Variants in FAM220A observed in about 807,000 individuals in gnomAD.
FAM220A encodes the protein family with sequence similarity 220 member A, also known as protein FAM220A.
For synonymous variants in FAM220A, 141 were observed against 130.7 expected (o/e 1.08, Z -0.54); for missense variants, 392 against 321.6 (o/e 1.22, Z -1.68).
chr7:6,333,898 G>A (rs367703279), intron 1 of FAM220A, among the ~76,000 whole-genome samples: 1 of 141,398 alleles, frequency 7.1e-6, no homozygotes, highest in East Asian at 2.1e-4. Flanking sequence ...CCAGGCTGGA[G>A]TGCAGTGGCG....
intron 1 of FAM220A, among the ~76,000 whole-genome samples, chr7:6,346,529 G>C (rs1281076426): frequency 6.6e-6 from 1 of 151,918 alleles, no homozygotes; most frequent in Non-Finnish European, 1.5e-5. Context: ...ACCACTGCCC[G>C]GCCACCACGC....
intron 1 of FAM220A, among the ~76,000 whole-genome samples, chr7:6,334,227 T>C (rs1004174867): frequency 6.6e-6 from 1 of 151,346 alleles, no homozygotes; most frequent in Non-Finnish European, 1.5e-5. Flanking sequence ...TGTACCCAGC[T>C]AAAGTATTTT....
chr7:6,340,145 A>C (rs1197958067), intron 1 of FAM220A, among the ~76,000 whole-genome samples: 2 of 152,174 alleles, frequency 1.3e-5, no homozygotes, highest in East Asian at 3.9e-4. Context: ...TCGGCCTCCC[A>C]AAGTGCTGGG....
intron 1 of FAM220A, among the ~76,000 whole-genome samples, chr7:6,342,539 A>C (rs1267562401): frequency 7.1e-6 from 1 of 141,566 alleles, no homozygotes; most frequent in African/African-American, 3.0e-5. Context: ...ACTCTGTCTC[A>C]AAAAAAAAAG....
chr7:6,340,878 G>A (rs1468824729), intron 1 of FAM220A, among the ~76,000 whole-genome samples: 13 of 123,400 alleles, frequency 1.1e-4, no homozygotes, highest in Non-Finnish European at 1.7e-4. Flanking sequence ...CAGCCTGGGC[G>A]ACAGAGTGAG....
rs1771174964 is a variant in FAM220A at position 6,330,004 on chromosome 7, A to C, written c.*371T>G. The C allele has an allele frequency of 8.4e-6, 2 of 237,332 alleles. No homozygotes were observed. The highest frequency in any genetic ancestry group is 1.5e-4 in the South Asian group (2 of 13,062). 14.7% of individuals were successfully genotyped at this position (237,332 alleles called of 1,614,324 possible). On this transcript the variant is annotated 3_prime_UTR_variant, in exon 2 of 2. Transcript: ENST00000313324. ...GTAGACTTTACAAGTATCCACTTCC[A>C]TTGGGTGATCAGACAAGTCAAAAGG... is the stretch of plus-strand genomic sequence containing the variant.
intron 1 of FAM220A, among the ~76,000 whole-genome samples, chr7:6,338,975 G>A (rs923704053): frequency 2.6e-5 from 4 of 152,260 alleles, no homozygotes; most frequent in East Asian, 1.9e-4. Context: ...AGGTGTGAAC[G>A]CTAGCACACC....
At chr7:6,335,773 C>A (rs1781731311) in intron 1 of FAM220A, among the ~76,000 whole-genome samples, 1 of 152,066 alleles carries the variant, frequency 6.6e-6, no homozygotes, top group South Asian at 2.1e-4. Context: ...AGTGGCTCAG[C>A]CCTGTCATCC....
chr7:6,333,188 A>C (rs1781673730), intron 1 of FAM220A, among the ~76,000 whole-genome samples: 1 of 151,782 alleles, frequency 6.6e-6, no homozygotes, highest in Admixed American at 6.6e-5. Flanking sequence ...AAAACAAAAA[A>C]CAAAAAAACA....
chr7:6,332,676 G>A (rs1781660702), intron 1 of FAM220A, among the ~76,000 whole-genome samples: 1 of 152,068 alleles, frequency 6.6e-6, no homozygotes, highest in Non-Finnish European at 1.5e-5. Context: ...CTCTGACCTG[G>A]GCAATGGAGT....
intron 1 of FAM220A, among the ~76,000 whole-genome samples, chr7:6,346,839 G>A (rs1372432294): frequency 6.6e-6 from 1 of 152,178 alleles, no homozygotes. Flanking sequence ...CTGCAGTGTG[G>A]TGGTTCTACT....
chr7:6,330,764 G>C lies in FAM220A; in HGVS notation c.391C>G (p.Leu131Val). 6.2e-7 allele frequency: 1 copy of C among 1,614,110 alleles called. No individual in the cohort carries two copies. The highest frequency in any genetic ancestry group is 1.1e-5 in the South Asian group (1 of 91,080). Residue 131 changes from leucine to valine, a missense_variant, in exon 2 of 2, where the codon CTG (leucine) becomes GTG (valine). By Grantham distance (32) the Leu-to-Val change is conservative (BLOSUM62 1). Transcript: ENST00000313324. ...GVEALGRRDW[L>V]GGGPRATDGH... The stretch of plus-strand genomic sequence containing the variant: ...TCAGTGGCCCTGGGCCCTCCTCCCA[G>C]CCAGTCTCGCCGCCCCAGAGCTTCA...
chr7:6,336,936 G>T (rs988460063), intron 1 of FAM220A, among the ~76,000 whole-genome samples: 2 of 152,102 alleles, frequency 1.3e-5, no homozygotes, highest in African/African-American at 4.8e-5. Flanking sequence ...TTACAGGCGT[G>T]AGCCACCATG....
chr7:6,329,982 G>C lies in FAM220A; in HGVS notation c.*393C>G, dbSNP rs139601542. ...ATTTAACGCCAAGTACAGTGGTGTAGACTTTACAAGTATCCACTTCCATTG... is the reference window on the plus strand; with the variant it reads ...ATTTAACGCCAAGTACAGTGGTGTACACTTTACAAGTATCCACTTCCATTG... On this transcript the variant is annotated 3_prime_UTR_variant, in exon 2 of 2. Transcript: ENST00000313324. The C allele has an allele frequency of 4.7e-6, 1 of 214,070 alleles. No individual in the cohort carries two copies. The highest frequency in any genetic ancestry group is 1.5e-4 in the East Asian group (1 of 6,848). 13.3% of individuals were successfully genotyped at this position (214,070 alleles called of 1,614,324 possible). A position where few individuals can be genotyped will look rare whatever the true frequency, so the allele number is the denominator to read the frequency against.
chr7:6,341,551 G>A (rs1294181502), intron 1 of FAM220A, among the ~76,000 whole-genome samples: 1 of 149,788 alleles, frequency 6.7e-6, no homozygotes, highest in Non-Finnish European at 1.5e-5. Flanking sequence ...TTAGCCAGGT[G>A]TAGTGGTGGG....
At chr7:6,337,545 A>G (rs1040323404) in intron 1 of FAM220A, among the ~76,000 whole-genome samples, 2 of 151,776 alleles carry the variant, frequency 1.3e-5, no homozygotes, top group Non-Finnish European at 2.9e-5. Context: ...AAGGTGAAAC[A>G]TTTCTAGAAT....
At position 6,330,150 on chromosome 7, in the gene FAM220A, C is replaced by T; in HGVS notation, c.*225G>A. The T allele has an allele frequency of 3.6e-6, 2 of 548,560 alleles. No homozygotes were observed. The highest frequency in any genetic ancestry group is 2.4e-5 in the South Asian group (1 of 41,802). The allele number at this position is 548,560 out of a possible 1,614,324, so 34.0% of individuals were successfully genotyped here. A position where few individuals can be genotyped will look rare whatever the true frequency, so the allele number is the denominator to read the frequency against. ...TATGATCGTCTCCTGAAATGTTTCC[C>T]AATTCTTTATATGTCTTTTAAAGCA... is the stretch of plus-strand genomic sequence containing the variant. On this transcript the variant is annotated 3_prime_UTR_variant, in exon 2 of 2. Coordinates refer to ENST00000313324, the MANE Select transcript of FAM220A (RefSeq NM_001037163.2).
At position 6,330,010 on chromosome 7, in the gene FAM220A, T is replaced by G. The variant is rs1300849873; in HGVS notation, c.*365A>C. ...TTTACAAGTATCCACTTCCATTGGG[T>G]GATCAGACAAGTCAAAAGGACACAC... On this transcript the variant is annotated 3_prime_UTR_variant, in exon 2 of 2. Coordinates refer to ENST00000313324, the MANE Select transcript of FAM220A (RefSeq NM_001037163.2). 1.3e-5 allele frequency: 3 copies of G among 237,128 alleles called. No homozygotes were observed. In the East Asian group the frequency reaches 3.7e-4, roughly 29 times the overall value. 14.7% of individuals were successfully genotyped at this position (237,128 alleles called of 1,614,324 possible).
intron 1 of FAM220A, among the ~76,000 whole-genome samples, chr7:6,347,474 C>CCACCG (rs1331281810): frequency 6.6e-6 from 1 of 151,858 alleles, no homozygotes; most frequent in Non-Finnish European, 1.5e-5. Flanking sequence ...TGAGATGGCG[C>CCACCG]CACCGCACTC....
Sources: gnomAD v4.1 joint callset for allele counts (sites outside exome capture counted in the v4.1 genomes callset) on GRCh38, gnomAD v4.1.1 for gene constraint, MANE v1.5 for transcripts, NCBI Gene and HGNC (gene_info 2026-07-23, HGNC 2026-07-21) for gene names.